The following NLGN1 variants were observed in gnomAD, a reference collection of about 807,000 sequenced individuals.
NLGN1 encodes the protein neuroligin 1.
Under a neutral mutation model 65.5 loss-of-function variants are expected in NLGN1, and 12 were observed. The ratio of observed to expected loss-of-function variants is 0.18; its 90% CI spans 0.12 to 0.30. NLGN1 has a LOEUF of 0.30. Among genes scored for constraint, NLGN1 ranks in the 10% least tolerant of loss-of-function variants. NLGN1 has a pLI of 1.00. For missense variants in NLGN1, 750 were observed against 1,007.1 expected (o/e 0.74, Z 3.46); for synonymous variants, 350 against 359.5 (o/e 0.97, Z 0.30).
intron 4 of NLGN1, among the ~76,000 whole-genome samples, chr3:174,263,249 T>C (rs1462436549): frequency 4.0e-5 from 6 of 148,902 alleles, no homozygotes; most frequent in African/African-American, 1.0e-4. Flanking sequence ...GTTGACTTTC[T>C]GTCTCGTTGA....
chr3:173,406,748 C>T (rs371779101), intron 1 of NLGN1, among the ~76,000 whole-genome samples: 1 of 151,774 alleles, frequency 6.6e-6, no homozygotes. Flanking sequence ...CTTAAGTGGT[C>T]AGAAAGCTGG....
chr3:173,856,981 G>C (rs1237679773), intron 4 of NLGN1, among the ~76,000 whole-genome samples: 1 of 149,658 alleles, frequency 6.7e-6, no homozygotes, highest in African/African-American at 2.5e-5. Flanking sequence ...AATTGAAGAA[G>C]CTGGAAAGGC....
chr3:174,043,759 C>G (rs539986369), intron 4 of NLGN1, among the ~76,000 whole-genome samples: 1 of 152,328 alleles, frequency 6.6e-6, no homozygotes, highest in South Asian at 2.1e-4. Context: ...GTTGGTGGAT[C>G]CACCATTCTG....
intron 2 of NLGN1, among the ~76,000 whole-genome samples, chr3:173,506,215 G>A (rs1324863966): frequency 6.6e-6 from 1 of 151,884 alleles, no homozygotes; most frequent in African/African-American, 2.4e-5. Flanking sequence ...AGAATTTGGA[G>A]TGCTTCTAGT....
chr3:173,754,024 C>CTTTTTTTTTTTTTTTTTTTTTTTTTTT (rs71162358), intron 3 of NLGN1, among the ~76,000 whole-genome samples: 12 of 121,612 alleles, frequency 9.9e-5, no homozygotes, highest in Non-Finnish European at 1.5e-4. Flanking sequence ...TCTTTCTTTT[C>CTTTTTTTTTTTTTTTTTTTTTTTTTTT]TTTTTTTTTT....
intron 3 of NLGN1, among the ~76,000 whole-genome samples, chr3:173,720,997 A>G (rs1770743058): frequency 1.3e-5 from 2 of 152,226 alleles, no homozygotes; most frequent in African/African-American, 4.8e-5. Context: ...AAAGTCAGGT[A>G]GAAGCTTTTA....
intron 4 of NLGN1, among the ~76,000 whole-genome samples, chr3:174,064,209 G>A (rs1460391369): frequency 1.3e-5 from 2 of 151,908 alleles, no homozygotes; most frequent in Non-Finnish European, 2.9e-5. Context: ...GAAGATACCA[G>A]GAAAAGCATA....
At chr3:173,722,475 C>T (rs949695173) in intron 3 of NLGN1, among the ~76,000 whole-genome samples, 6 of 151,998 alleles carry the variant, frequency 3.9e-5, no homozygotes, top group Admixed American at 2.0e-4. Context: ...CTCCTCACCT[C>T]GTGATGTGCC....
chr3:173,660,764 T>C (rs1381965352), intron 3 of NLGN1, among the ~76,000 whole-genome samples: 1 of 151,958 alleles, frequency 6.6e-6, no homozygotes, highest in Non-Finnish European at 1.5e-5. Context: ...AAATATATCA[T>C]GTTCTCCACT....
intron 4 of NLGN1, among the ~76,000 whole-genome samples, chr3:174,200,275 A>G (rs901207155): frequency 6.6e-6 from 1 of 152,256 alleles, no homozygotes; most frequent in Non-Finnish European, 1.5e-5. Context: ...TAGGCAATGA[A>G]TAATTAATAA....
intron 4 of NLGN1, among the ~76,000 whole-genome samples, chr3:174,263,040 G>A (rs1186677334): frequency 7.4e-6 from 1 of 134,796 alleles, no homozygotes; most frequent in Non-Finnish European, 1.6e-5. Context: ...TTGCACTGTG[G>A]TCTGAGAGAT....
chr3:173,595,522 A>C (rs1229331338), intron 2 of NLGN1, among the ~76,000 whole-genome samples: 1 of 152,064 alleles, frequency 6.6e-6, no homozygotes, highest in African/African-American at 2.4e-5. Context: ...ACTTTCCTAC[A>C]TTTTTCGGTC....
chr3:174,096,211 GTGTATA>G (rs1464744409), intron 4 of NLGN1, among the ~76,000 whole-genome samples: 11 of 149,472 alleles, frequency 7.4e-5, no homozygotes, highest in Non-Finnish European at 1.3e-4. Flanking sequence ...TAATATATAT[GTGTATA>G]TGTATATATG....
intron 3 of NLGN1, among the ~76,000 whole-genome samples, chr3:173,615,742 TG>T (rs1389346051): frequency 6.3e-4 from 40 of 63,872 alleles, no homozygotes; most frequent in African/African-American, 2.3e-3. Context: ...TCCATCCATC[TG>T]TTTTTTTTTT....
intron 4 of NLGN1, among the ~76,000 whole-genome samples, chr3:174,207,336 A>G (rs1459418049): frequency 1.3e-5 from 2 of 152,186 alleles, no homozygotes; most frequent in Non-Finnish European, 1.5e-5. Context: ...CCTACACAAA[A>G]TAAGACCCTA....
chr3:174,230,864 A>T (rs1024665339), intron 4 of NLGN1, among the ~76,000 whole-genome samples: 1 of 152,226 alleles, frequency 6.6e-6, no homozygotes, highest in East Asian at 1.9e-4. Flanking sequence ...ACTATATTGT[A>T]TATTGTAAAT....
At chr3:174,261,540 C>CCT (rs1451391355) in intron 4 of NLGN1, among the ~76,000 whole-genome samples, 6 of 143,466 alleles carry the variant, frequency 4.2e-5, no homozygotes, top group African/African-American at 1.6e-4. Context: ...GATTTTGTAT[C>CCT]CTGAGACTTT....
chr3:173,820,179 G>GAAAAAAAAAAAAAAAAAAAAAAAA (rs63081662), intron 4 of NLGN1, among the ~76,000 whole-genome samples: 2 of 136,616 alleles, frequency 1.5e-5, no homozygotes, highest in African/African-American at 5.3e-5. Context: ...ATTCAGTCTC[G>GAAAAAAAAAAAAAAAAAAAAAAAA]AAAAAAAAAA....
chr3:174,292,618 C>A, the NLGN1 span, among the ~76,000 whole-genome samples: 4 of 150,382 alleles, frequency 2.7e-5, no homozygotes, highest in Admixed American at 2.0e-4. Context: ...TCCTGCCATT[C>A]CTCCACCAAC....
Sources: allele counts gnomAD v4.1 joint callset (sites outside exome capture counted in the v4.1 genomes callset), GRCh38; gene constraint gnomAD v4.1.1; transcripts MANE v1.5; gene names NCBI Gene and HGNC (gene_info 2026-07-23, HGNC 2026-07-21).